Variants in LRRC57 observed in about 807,000 individuals in gnomAD.
The protein encoded by LRRC57 is leucine-rich repeat-containing protein 57.
Under a neutral mutation model 23.1 loss-of-function variants are expected in LRRC57, and 14 were observed. The observed-to-expected ratio is 0.61, with a 90% confidence interval of 0.40 to 0.95. The LOEUF (loss-of-function observed/expected upper bound fraction) is 0.95, where lower values mean the gene tolerates loss of function less well. Ranked by LOEUF, LRRC57 falls within the 40% of genes least tolerant of loss-of-function variation. The pLI, the probability that LRRC57 is intolerant of heterozygous loss-of-function variation, is 0.00. For missense variants in LRRC57, 236 were observed against 284.4 expected, an observed-to-expected ratio of 0.83 and a Z score of 1.22; for synonymous variants, 106 against 115.2, an observed-to-expected ratio of 0.92 and a Z score of 0.51.
the LRRC57 span, chr15:42,531,700 T>A: frequency 2.5e-6 from 1 of 399,706 alleles, no homozygotes; most frequent in Admixed American, 4.5e-5. Flanking sequence ...ATTCATACGC[T>A]TAGATTGGTT....
chr15:42,532,931 A>G (rs1052908466), downstream of LRRC57: 1 of 152,652 alleles, frequency 6.6e-6, no homozygotes, highest in African/African-American at 2.4e-5. Context: ...GAAAAGTGTT[A>G]TGAACATCTG....
downstream of LRRC57, among the ~76,000 whole-genome samples, chr15:42,534,695 T>C (rs2057591702): frequency 6.6e-6 from 1 of 152,214 alleles, no homozygotes; most frequent in African/African-American, 2.4e-5. Flanking sequence ...AGAATGGATA[T>C]ATTAGCAAGC....
chr15:42,538,103 T>C lies in LRRC57; in HGVS notation c.*5980A>G, dbSNP rs1391538676. 1.3e-5 allele frequency: 2 copies of C among 152,180 alleles called. No homozygotes were observed. The highest frequency in any genetic ancestry group is 2.4e-5 in the African/African-American group (1 of 41,450). The allele number at this position is 152,180 out of a possible 1,614,324, so 9.4% of individuals were successfully genotyped here. A position where few individuals can be genotyped will look rare whatever the true frequency, so the allele number is the denominator to read the frequency against. ...TTTGAGATAATGAATAACATAAATATCCTGACTTGATCATTATACATTCTA... is the reference window on the plus strand; with the variant it reads ...TTTGAGATAATGAATAACATAAATACCCTGACTTGATCATTATACATTCTA... On this transcript the variant is annotated 3_prime_UTR_variant, in exon 6 of 6. Transcript: ENST00000397130.
chr15:42,545,812 A>G (rs2057655905), intron 4 of LRRC57, among the ~76,000 whole-genome samples: 1 of 151,628 alleles, frequency 6.6e-6, no homozygotes, highest in Non-Finnish European at 1.5e-5. Flanking sequence ...TCTTGTTTTT[A>G]TGGGCATTTT....
rs1595537853 is a variant in LRRC57, at chr15:42,542,087, A to C, written c.*1996T>G. ...TTTTTTTTTTTTGAGACGCAGTCTC[A>C]CTCTATTGCCCAGGCTGGAGTTCAA... On this transcript the variant is annotated 3_prime_UTR_variant, in exon 6 of 6. Coordinates refer to ENST00000397130, the MANE Select transcript of LRRC57 (RefSeq NM_153260.3). 3 of 102,430 alleles carry C rather than the reference A, an allele frequency of 2.9e-5. No homozygotes were observed. Among genetic ancestry groups the C allele is most frequent in the African/African-American group, 3.9e-5 (1 of 25,528 alleles). 6.3% of individuals were successfully genotyped at this position (102,430 alleles called of 1,614,324 possible).
In LRRC57 at chr15:42,548,604, C is replaced by T. The variant is rs112873630; in HGVS notation, c.-23+89G>A. On this transcript the variant is annotated intron_variant, in intron 1 of 5. Coordinates refer to ENST00000397130, the MANE Select transcript of LRRC57 (RefSeq NM_153260.3). ...AAGGAAGAAACGGAAGAACACACAG[C>T]CCGACCACCAAGCCCTGCCGCCTTT... 627 of 675,230 alleles carry T rather than the reference C, an allele frequency of 9.3e-4. 8 individuals are homozygous for T. Among genetic ancestry groups the T allele is most frequent in the Middle Eastern group, 2.0e-3 (5 of 2,444 alleles). 41.8% of individuals were successfully genotyped at this position (675,230 alleles called of 1,614,324 possible). A position where few individuals can be genotyped will look rare whatever the true frequency, so the allele number is the denominator to read the frequency against.
chr15:42,529,598 TA>T, the LRRC57 span: 1 of 1,495,674 alleles, frequency 6.7e-7, no homozygotes, highest in Non-Finnish European at 9.1e-7. Context: ...TTTGGTTACT[TA>T]CTTTTGTGAA....
rs2057680763 is a variant in LRRC57 at position 42,548,680 on chromosome 15, G to T, written c.-23+13C>A. 4.8e-6 allele frequency: 3 copies of T among 621,334 alleles called. No individual in the cohort carries two copies. The highest frequency in any genetic ancestry group is 2.9e-5 in the Admixed American group (1 of 33,944). The allele number at this position is 621,334 out of a possible 1,614,324, so 38.5% of individuals were successfully genotyped here. ...CTGGGAGCCTACGGAAGATCAGGGA[G>T]CCCCGGACTCGCCTCCCACCGCTCA... On this transcript the variant is annotated intron_variant, in intron 1 of 5. Coordinates refer to ENST00000397130, the MANE Select transcript of LRRC57 (RefSeq NM_153260.3).
intron 1 of LRRC57, 43 bp downstream of exon 1, chr15:42,548,650 C>T: frequency 1.6e-6 from 1 of 626,118 alleles, no homozygotes; most frequent in Non-Finnish European, 2.8e-6. Context: ...GGAGGCCAGG[C>T]GCCTCTGGGA....
At position 42,543,631 on chromosome 15, in the gene LRRC57, C is replaced by T. The variant is rs2057642246; in HGVS notation, c.*452G>A. On this transcript the variant is annotated 3_prime_UTR_variant, in exon 6 of 6. Transcript: ENST00000397130. ...TCCTTAGATCCATGCCAGCCTCTCA[C>T]AAATTATCTGAATTTCATAAAAATA... is the stretch of plus-strand genomic sequence containing the variant. 6.4e-6 allele frequency: 1 copy of T among 155,214 alleles called. No individual in the cohort carries two copies. Among genetic ancestry groups the T allele is most frequent in the African/African-American group, 2.4e-5 (1 of 41,574 alleles). The allele number at this position is 155,214 out of a possible 1,614,324, so 9.6% of individuals were successfully genotyped here. A position where few individuals can be genotyped will look rare whatever the true frequency, so the allele number is the denominator to read the frequency against.
rs903220081 is a variant in LRRC57, at chr15:42,543,892, AT to A, written c.*190del. 7 of 484,160 alleles carry A rather than the reference AT, an allele frequency of 1.4e-5. No homozygotes were observed. Among genetic ancestry groups the A allele is most frequent in the African/African-American group, 1.3e-4 (7 of 52,178 alleles). 30.0% of individuals were successfully genotyped at this position (484,160 alleles called of 1,614,324 possible). ...AACGGAAGACTTTTCCTGTCTCCTG[AT>A]CCTTTTTCTTTTAGCTTATTTGAGA... On this transcript the variant is annotated 3_prime_UTR_variant, in exon 6 of 6. Coordinates refer to ENST00000397130, the MANE Select transcript of LRRC57 (RefSeq NM_153260.3).
chr15:42,547,758 G>A (rs1434408574), intron 3 of LRRC57: 2 of 552,434 alleles, frequency 3.6e-6, no homozygotes, highest in Non-Finnish European at 6.3e-6. Context: ...CTTTTGTAAA[G>A]GGGCCCAAGG....
chr15:42,528,395 G>A, the LRRC57 span: 1 of 1,614,058 alleles, frequency 6.2e-7, no homozygotes, highest in South Asian at 1.1e-5. Context: ...AACAACGGGA[G>A]CAGCCAGTGG....
In LRRC57 at chr15:42,538,067, A is replaced by C. The variant is rs1427720228; in HGVS notation, c.*6016T>G. On this transcript the variant is annotated 3_prime_UTR_variant, in exon 6 of 6. Coordinates refer to ENST00000397130, the MANE Select transcript of LRRC57 (RefSeq NM_153260.3). ...ATTTGAAATGTTCCCAACACAAACAAATGATAAATGTTTGAGATAATGAAT... is the reference window on the plus strand; with the variant it reads ...ATTTGAAATGTTCCCAACACAAACACATGATAAATGTTTGAGATAATGAAT... 6.6e-6 allele frequency: 1 copy of C among 152,236 alleles called. No individual in the cohort carries two copies. Among genetic ancestry groups the C allele is most frequent in the Non-Finnish European group, 1.5e-5 (1 of 68,034 alleles). The allele number at this position is 152,236 out of a possible 1,614,324, so 9.4% of individuals were successfully genotyped here. A position where few individuals can be genotyped will look rare whatever the true frequency, so the allele number is the denominator to read the frequency against.
rs2057672961 is a variant in LRRC57 at position 42,548,173 on chromosome 15, G to C, written c.156C>G (p.Ser52Arg). The C allele has an allele frequency of 1.9e-6, 3 of 1,614,082 alleles. No homozygotes were observed. The highest frequency in any genetic ancestry group is 2.5e-6 in the Non-Finnish European group (3 of 1,180,034). The change falls in exon 3 of 6, where the codon AGC becomes AGG. Residue 52 changes from serine (S) to arginine (R), a missense_variant. Transcript: ENST00000397130. Reference protein sequence around the residue: ...TIDLSNNKIESLPPLLIGKFT... With the variant: ...TIDLSNNKIERLPPLLIGKFT... ...ACTTTCCTATCAGCAAAGGCGGTAG[G>C]CTTTCGATCTTGTTGTTGGACAAGT...
chr15:42,531,495 CTTT>C, the LRRC57 span: 1 of 1,585,414 alleles, frequency 6.3e-7, no homozygotes, highest in Non-Finnish European at 8.6e-7. Flanking sequence ...TGCTGTTCTT[CTTT>C]ATCATTTATT....
intron 4 of LRRC57, 126 bp from the exon 5 acceptor site, chr15:42,545,388 C>A: frequency 1.8e-6 from 1 of 550,754 alleles, no homozygotes; most frequent in South Asian, 4.2e-5. Context: ...TCTTTTACCA[C>A]CTCCATTTTC....
Position 42,541,450 on chromosome 15 carries a change from G to A in LRRC57, c.*2633C>T, listed in dbSNP as rs549597262. ...ACCTGGTAGGTGGAGGTTGCAGTGA[G>A]CCAAGATAGTGCTACTGCGCTCCAG... On this transcript the variant is annotated 3_prime_UTR_variant, in exon 6 of 6. Transcript: ENST00000397130. 1.3e-5 allele frequency: 2 copies of A among 152,340 alleles called. No individual in the cohort carries two copies. Among genetic ancestry groups the A allele is most frequent in the African/African-American group, 4.8e-5 (2 of 41,568 alleles). The allele number at this position is 152,340 out of a possible 1,614,324, so 9.4% of individuals were successfully genotyped here. A position where few individuals can be genotyped will look rare whatever the true frequency, so the allele number is the denominator to read the frequency against.
At chr15:42,534,912 T>C (rs2057592737), downstream of LRRC57, among the ~76,000 whole-genome samples, 2 of 152,262 alleles carry the variant, frequency 1.3e-5, no homozygotes, top group Admixed American at 6.5e-5. Context: ...GTTCCATTTA[T>C]AGAGCACAGG....
Sources: gnomAD v4.1 joint callset for allele counts (sites outside exome capture counted in the v4.1 genomes callset) on GRCh38, gnomAD v4.1.1 for gene constraint, MANE v1.5 for transcripts, NCBI Gene and HGNC (gene_info 2026-07-23, HGNC 2026-07-21) for gene names.